The following PAG1 variants were observed in gnomAD, a reference collection of about 807,000 sequenced individuals.
The protein encoded by PAG1 is phosphoprotein associated with glycosphingolipid-enriched microdomains 1.
Under a neutral mutation model 31.7 loss-of-function variants are expected in PAG1, and 23 were observed. That is an observed-to-expected ratio of 0.73 (90% CI 0.52 to 1.03). The LOEUF is 1.03. Among genes scored for constraint, PAG1 ranks in the 50% least tolerant of loss-of-function variants. The pLI is 0.00. For missense variants in PAG1, 473 were observed against 540.7 expected (o/e 0.87, Z 1.24); for synonymous variants, 214 against 210.3 (o/e 1.02, Z -0.15).
intron 3 of PAG1, among the ~76,000 whole-genome samples, chr8:80,997,991 A>G (rs1418692937): frequency 2.0e-5 from 3 of 152,190 alleles, no homozygotes; most frequent in African/African-American, 7.2e-5. Flanking sequence ...GGATTCTTTC[A>G]AAGATTTATC....
At chr8:81,103,599 T>C (rs571949852) in intron 1 of PAG1, among the ~76,000 whole-genome samples, 104 of 152,354 alleles carry the variant, frequency 6.8e-4, no homozygotes, top group African/African-American at 2.4e-3. Flanking sequence ...CCAGTTAGTC[T>C]ATAATATAAT....
At chr8:81,100,602 G>C (rs969137902) in intron 1 of PAG1, among the ~76,000 whole-genome samples, 2 of 152,224 alleles carry the variant, frequency 1.3e-5, no homozygotes, top group African/African-American at 4.8e-5. Flanking sequence ...CACAGTTCTA[G>C]ACAGAAAAAG....
At chr8:80,980,623 A>T (rs1393072870) in intron 7 of PAG1, 129 bp from the exon 8 acceptor site, 2 of 637,852 alleles carry the variant, frequency 3.1e-6, no homozygotes, top group African/African-American at 3.6e-5. Context: ...CGAAGAAATT[A>T]TGGGAAGAGA....
At position 81,081,501 on chromosome 8, in the gene PAG1, G is replaced by T. The variant is rs187598078; in HGVS notation, c.-233-11331C>A. ...ACATTACAACTAAGGTAAACACACT[G>T]ATAGAAGGAAGATATAGAACATTTC... On this transcript the variant is annotated intron_variant, in intron 1 of 8. Transcript: ENST00000220597. Among the ~76,000 whole-genome samples the T allele has an allele frequency of 9.9e-5, 15 of 152,186 alleles. No homozygotes were observed. In the East Asian group the frequency reaches 2.5e-3, roughly 25 times the overall value.
intron 5 of PAG1, among the ~76,000 whole-genome samples, chr8:80,989,338 A>G (rs1807490290): frequency 6.6e-6 from 1 of 152,320 alleles, no homozygotes; most frequent in Middle Eastern, 3.4e-3. Flanking sequence ...AGGTGGGCCC[A>G]TAACAGCATA....
At position 81,001,610 on chromosome 8, in the gene PAG1, T is replaced by C. The variant is rs1204640829; in HGVS notation, c.-80-8303A>G. Among the ~76,000 whole-genome samples, 10 of 152,284 alleles carry C rather than the reference T, an allele frequency of 6.6e-5. No homozygotes were observed. The South Asian group carries it at 1.7e-3, about 25-fold the overall frequency. On this transcript the variant is annotated intron_variant, in intron 3 of 8. Coordinates refer to ENST00000220597, the MANE Select transcript of PAG1 (RefSeq NM_018440.4). ...TACATACCAGTTTTGACTCATAGGCTTGACATAAAAAGCACCGAAAAATGG... is the reference window on the plus strand; with the variant it reads ...TACATACCAGTTTTGACTCATAGGCCTGACATAAAAAGCACCGAAAAATGG...
At chr8:81,056,347 G>C (rs1486803875) in intron 2 of PAG1, among the ~76,000 whole-genome samples, 1 of 152,158 alleles carries the variant, frequency 6.6e-6, no homozygotes, top group Non-Finnish European at 1.5e-5. Context: ...AACCAAAACA[G>C]CATGGTACTG....
intron 3 of PAG1, among the ~76,000 whole-genome samples, chr8:81,014,876 T>G (rs1390972421): frequency 6.6e-6 from 1 of 152,136 alleles, no homozygotes; most frequent in African/African-American, 2.4e-5. Context: ...GAGGGCCCTT[T>G]TGTGGGCTTT....
At chr8:80,995,196 G>C (rs961522932) in intron 3 of PAG1, among the ~76,000 whole-genome samples, 1 of 152,224 alleles carries the variant, frequency 6.6e-6, no homozygotes, top group Admixed American at 6.5e-5. Context: ...TGTATGCAGA[G>C]AGAGTTCTGA....
intron 2 of PAG1, chr8:81,040,612 C>T (rs569818184): frequency 5.9e-5 from 9 of 152,148 alleles, no homozygotes; most frequent in South Asian, 2.1e-4. Context: ...TTATCATATA[C>T]GACTGTTCTT....
At chr8:81,069,301 T>G (rs1452866598) in intron 2 of PAG1, among the ~76,000 whole-genome samples, 1 of 152,206 alleles carries the variant, frequency 6.6e-6, no homozygotes, top group Non-Finnish European at 1.5e-5. Flanking sequence ...GTGAAGAGAT[T>G]GGGAAAACTT....
chr8:81,039,925 A>T (rs1808526759), intron 2 of PAG1, among the ~76,000 whole-genome samples: 1 of 152,206 alleles, frequency 6.6e-6, no homozygotes, highest in Admixed American at 6.5e-5. Flanking sequence ...TACTTAATGA[A>T]ACAGCTTTCA....
At chr8:81,057,906 T>C (rs1808854158) in intron 2 of PAG1, among the ~76,000 whole-genome samples, 2 of 152,218 alleles carry the variant, frequency 1.3e-5, no homozygotes, top group South Asian at 4.1e-4. Context: ...TGGTAGCCAT[T>C]GTTTTACATA....
chr8:81,025,947 C>A (rs1349223080), intron 3 of PAG1, among the ~76,000 whole-genome samples: 1 of 152,144 alleles, frequency 6.6e-6, no homozygotes, highest in Non-Finnish European at 1.5e-5. Context: ...GACAGTTAAG[C>A]AAGCTCTGCT....
intron 7 of PAG1, among the ~76,000 whole-genome samples, chr8:80,981,127 A>G (rs939136674): frequency 6.6e-6 from 1 of 151,240 alleles, no homozygotes; most frequent in Admixed American, 6.6e-5. Context: ...TCCCCTCTCC[A>G]TGTCCACCCC....
chr8:81,105,571 T>C (rs895932500), intron 1 of PAG1, among the ~76,000 whole-genome samples: 6 of 152,226 alleles, frequency 3.9e-5, no homozygotes, highest in Admixed American at 1.3e-4. Context: ...TGGCTTTTTT[T>C]TAATGAAAAG....
At chr8:81,093,814 C>A (rs1398528116) in intron 1 of PAG1, among the ~76,000 whole-genome samples, 1 of 150,982 alleles carries the variant, frequency 6.6e-6, no homozygotes, top group African/African-American at 2.4e-5. Context: ...GTTCATCCAA[C>A]ATTCCAAAAT....
intron 2 of PAG1, among the ~76,000 whole-genome samples, chr8:81,043,049 T>A (rs1808581915): frequency 6.6e-6 from 1 of 152,212 alleles, no homozygotes; most frequent in Admixed American, 6.5e-5. Context: ...CTGTCTTTTT[T>A]ATTTTTTAAT....
At chr8:80,989,430 A>G (rs965437903) in intron 5 of PAG1, among the ~76,000 whole-genome samples, 7 of 152,172 alleles carry the variant, frequency 4.6e-5, no homozygotes, top group Non-Finnish European at 1.0e-4. Context: ...AGAATCCGCA[A>G]GTTGTATAAG....
Sources: allele counts gnomAD v4.1 joint callset (sites outside exome capture counted in the v4.1 genomes callset), GRCh38; gene constraint gnomAD v4.1.1; transcripts MANE v1.5; gene names NCBI Gene and HGNC (gene_info 2026-07-23, HGNC 2026-07-21).